The following EPHA6 variants were observed in gnomAD, a reference collection of about 807,000 sequenced individuals.
EPHA6 encodes ephrin type-A receptor 6.
Under a neutral mutation model 112.0 loss-of-function variants are expected in EPHA6, and 50 were observed. That is an observed-to-expected ratio of 0.45 (90% CI 0.36 to 0.56). EPHA6 has a LOEUF of 0.56. EPHA6 is among the 20% of genes least tolerant of loss of function. The pLI is 0.00. For missense variants in EPHA6, 1,280 were observed against 1,417.4 expected (o/e 0.90, Z 1.56); for synonymous variants, 529 against 490.7 (o/e 1.08, Z -1.03).
At chr3:96,972,656 C>G (rs2042361995) in intron 2 of EPHA6, among the ~76,000 whole-genome samples, 3 of 152,042 alleles carry the variant, frequency 2.0e-5, no homozygotes, top group African/African-American at 7.3e-5. Flanking sequence ...GTGTGACTTC[C>G]CTCTCCCTTT....
In EPHA6 at chr3:97,748,872, T is replaced by C. The variant is rs1411683804; in HGVS notation, c.*171T>C. 8.4e-6 allele frequency: 5 copies of C among 592,192 alleles called. No individual in the cohort carries two copies. Among genetic ancestry groups the C allele is most frequent in the Non-Finnish European group, 1.2e-5 (4 of 328,430 alleles). The allele number at this position is 592,192 out of a possible 1,614,324, so 36.7% of individuals were successfully genotyped here. A position where few individuals can be genotyped will look rare whatever the true frequency, so the allele number is the denominator to read the frequency against. On this transcript the variant is annotated 3_prime_UTR_variant, in exon 18 of 18. Coordinates refer to ENST00000389672, the MANE Select transcript of EPHA6 (RefSeq NM_001080448.3). ...GCTTCCAACCAGGATTTTAAAATCA[T>C]GCTACATAAATCCGTTCTGAATAAC...
chr3:96,995,859 G>C (rs574624814), intron 3 of EPHA6, among the ~76,000 whole-genome samples: 5 of 152,158 alleles, frequency 3.3e-5, no homozygotes, highest in Middle Eastern at 3.4e-3. Context: ...GACAGATTAG[G>C]GTGGCAGTTG....
intron 3 of EPHA6, among the ~76,000 whole-genome samples, chr3:97,194,656 A>C (rs750949513): frequency 6.6e-6 from 1 of 150,552 alleles, no homozygotes; most frequent in Non-Finnish European, 1.5e-5. Flanking sequence ...CCAATGCTGA[A>C]AGTGGTGTGT....
At chr3:96,880,111 A>T (rs536101044) in intron 2 of EPHA6, among the ~76,000 whole-genome samples, 1 of 152,056 alleles carries the variant, frequency 6.6e-6, no homozygotes. Context: ...ATAATAAAAA[A>T]TTTAAAAAAA....
chr3:97,126,863 G>C (rs530450384), intron 3 of EPHA6, among the ~76,000 whole-genome samples: 1 of 139,456 alleles, frequency 7.2e-6, no homozygotes, highest in African/African-American at 2.7e-5. Context: ...GCATAAAGAA[G>C]ATGGACCAAT....
intron 4 of EPHA6, among the ~76,000 whole-genome samples, chr3:97,236,953 G>A (rs1231571555): frequency 6.6e-6 from 1 of 151,872 alleles, no homozygotes; most frequent in Non-Finnish European, 1.5e-5. Context: ...TGTTCTGCTT[G>A]TTATCTCTTC....
intron 15 of EPHA6, among the ~76,000 whole-genome samples, chr3:97,728,012 T>TA (rs1371829438): frequency 6.6e-6 from 1 of 151,936 alleles, no homozygotes; most frequent in East Asian, 1.9e-4. Context: ...AATATTTTCA[T>TA]AAAAAATTAA....
chr3:97,354,975 C>T (rs189521965), intron 5 of EPHA6, among the ~76,000 whole-genome samples: 74 of 152,112 alleles, frequency 4.9e-4, no homozygotes, highest in African/African-American at 1.8e-3. Flanking sequence ...TGAAGGAAAA[C>T]AAACAAACAA....
chr3:97,364,924 C>T (rs2084630021), intron 5 of EPHA6, among the ~76,000 whole-genome samples: 1 of 151,974 alleles, frequency 6.6e-6, no homozygotes, highest in Non-Finnish European at 1.5e-5. Flanking sequence ...AAAAACATAC[C>T]TTCTCTCAGG....
At chr3:97,460,856 A>G (rs1168599436) in intron 7 of EPHA6, among the ~76,000 whole-genome samples, 2 of 152,144 alleles carry the variant, frequency 1.3e-5, no homozygotes, top group Non-Finnish European at 2.9e-5. Flanking sequence ...GTACTCCCAC[A>G]TGTTCATGCT....
At chr3:97,244,392 G>A (rs970941771) in intron 5 of EPHA6, 105 bp downstream of exon 5, 30 of 914,834 alleles carry the variant, frequency 3.3e-5, no homozygotes, top group African/African-American at 8.2e-5. Flanking sequence ...AGTCATATAC[G>A]TTATACACTG....
At chr3:97,680,408 C>T (rs2031766548) in intron 14 of EPHA6, among the ~76,000 whole-genome samples, 9 of 152,206 alleles carry the variant, frequency 5.9e-5, no homozygotes, top group Admixed American at 5.9e-4. Flanking sequence ...CAAGTGTGTA[C>T]ATGACTGTCT....
chr3:97,729,279 A>T (rs1188024223), intron 15 of EPHA6, among the ~76,000 whole-genome samples: 1 of 152,076 alleles, frequency 6.6e-6, no homozygotes, highest in Admixed American at 6.6e-5. Flanking sequence ...TGAATGAGAA[A>T]GTATATTAGT....
At position 97,499,735 on chromosome 3, in the gene EPHA6, G is replaced by T. The variant is rs536013886; in HGVS notation, c.2200+15676G>T. 8.5e-5 allele frequency among the ~76,000 whole-genome samples: 13 copies of T among 152,140 alleles called. No homozygotes were observed. The South Asian group carries it at 2.7e-3, about 32-fold the overall frequency. The stretch of plus-strand genomic sequence containing the variant: ...TAGTAAAAATGCAGCATAAAAATGT[G>T]GTATAAAAGTGCCCTACCTGTGTAG... On this transcript the variant is annotated intron_variant, in intron 10 of 17. Coordinates refer to ENST00000389672, the MANE Select transcript of EPHA6 (RefSeq NM_001080448.3).
At chr3:97,373,510 G>A (rs1219793416) in intron 5 of EPHA6, among the ~76,000 whole-genome samples, 2 of 152,038 alleles carry the variant, frequency 1.3e-5, no homozygotes, top group African/African-American at 4.8e-5. Context: ...TAAAAGATAA[G>A]GTAAGATTAG....
chr3:97,167,513 T>G (rs2076570809), intron 3 of EPHA6, among the ~76,000 whole-genome samples: 2 of 152,172 alleles, frequency 1.3e-5, no homozygotes, highest in South Asian at 4.1e-4. Context: ...AACTTTTATT[T>G]TAAAATAATC....
intron 5 of EPHA6, among the ~76,000 whole-genome samples, chr3:97,258,841 A>G (rs955760846): frequency 2.0e-5 from 3 of 152,196 alleles, no homozygotes; most frequent in African/African-American, 4.8e-5. Context: ...CAAATGCTCA[A>G]TAACTGTGTA....
intron 7 of EPHA6, among the ~76,000 whole-genome samples, chr3:97,469,144 T>C (rs767556801): frequency 3.3e-5 from 5 of 151,680 alleles, no homozygotes; most frequent in Non-Finnish European, 5.9e-5. Context: ...TTATAAAACA[T>C]AGTGAATTAT....
intron 3 of EPHA6, among the ~76,000 whole-genome samples, chr3:97,032,480 G>A (rs2044901669): frequency 6.6e-6 from 1 of 151,668 alleles, no homozygotes; most frequent in Non-Finnish European, 1.5e-5. Context: ...AAAAGGATGA[G>A]ACCCATTATT....
Sources: allele counts gnomAD v4.1 joint callset (sites outside exome capture counted in the v4.1 genomes callset), GRCh38; gene constraint gnomAD v4.1.1; transcripts MANE v1.5; gene names NCBI Gene and HGNC (gene_info 2026-07-23, HGNC 2026-07-21).